Variants in RNF144A observed in about 807,000 individuals in gnomAD.
The protein encoded by RNF144A is E3 ubiquitin-protein ligase RNF144A.
A neutral mutation model predicts 38.7 loss-of-function variants in RNF144A; 11 were observed. That is an observed-to-expected ratio of 0.28 (90% CI 0.18 to 0.47). The LOEUF (loss-of-function observed/expected upper bound fraction) is 0.47. Ranked by LOEUF, RNF144A falls within the 20% of genes least tolerant of loss-of-function variation. The probability of loss-of-function intolerance (pLI) is 0.99; values close to 1 mark genes in which losing one functional copy is unlikely to be tolerated. For missense variants in RNF144A, 316 were observed against 377.2 expected (o/e 0.84, Z 1.34); for synonymous variants, 149 against 143.9 (o/e 1.04, Z -0.25).
intron 1 of RNF144A, among the ~76,000 whole-genome samples, chr2:6,936,471 T>C (rs1665590890): frequency 6.6e-6 from 1 of 152,118 alleles, no homozygotes; most frequent in South Asian, 2.1e-4. Context: ...CACTGACTCT[T>C]TTTTCTCATA....
At chr2:6,932,407 A>T (rs1391114980) in intron 1 of RNF144A, among the ~76,000 whole-genome samples, 1 of 152,216 alleles carries the variant, frequency 6.6e-6, no homozygotes, top group East Asian at 1.9e-4. Flanking sequence ...TAGACCATTC[A>T]CAATTACACA....
intron 3 of RNF144A, among the ~76,000 whole-genome samples, chr2:7,010,169 C>T (rs113281891): frequency 4.9e-4 from 74 of 152,282 alleles, no homozygotes; most frequent in East Asian, 1.9e-3. Context: ...CCGCTGTCTC[C>T]GGGGTACTGG....
chr2:6,952,782 T>G (rs796309146), intron 2 of RNF144A, among the ~76,000 whole-genome samples: 10 of 152,142 alleles, frequency 6.6e-5, no homozygotes, highest in African/African-American at 1.9e-4. Flanking sequence ...TGTATTCTTT[T>G]AGGCATGTGT....
downstream of RNF144A, chr2:7,044,288 T>A (rs13034571): frequency 0.099 from 75,654 of 760,712 alleles, 5,495 homozygotes; most frequent in East Asian, 0.55. Flanking sequence ...TTGAAAATAT[T>A]CAATGTGGGA....
At chr2:6,960,290 C>A (rs1222078619) in intron 2 of RNF144A, among the ~76,000 whole-genome samples, 1 of 152,182 alleles carries the variant, frequency 6.6e-6, no homozygotes, top group Non-Finnish European at 1.5e-5. Flanking sequence ...GAGTGAAAAC[C>A]TTTGAGGTTC....
rs756316410 is a variant in RNF144A, at chr2:7,039,739, C to T, written c.858C>T (p.Asp286=). ...LCCKCKCSKG[D]DDPLPT Reference sequence around the variant, plus strand: ...GCAAGTGCAAGTGCAGTAAAGGTGACGACGACCCGTTACCCACCTAGAGGA... The same window carrying T: ...GCAAGTGCAAGTGCAGTAAAGGTGATGACGACCCGTTACCCACCTAGAGGA... The change falls in exon 9 of 9, where the codon GAC becomes GAT. Residue 286 remains aspartate (D), a synonymous_variant. Coordinates refer to ENST00000320892, the MANE Select transcript of RNF144A (RefSeq NM_014746.6). 1.4e-5 allele frequency: 23 copies of T among 1,613,448 alleles called. No homozygotes were observed. Among genetic ancestry groups the T allele is most frequent in the Admixed American group, 6.7e-5 (4 of 59,960 alleles).
chr2:6,999,842 C>T (rs1389459267), intron 3 of RNF144A, among the ~76,000 whole-genome samples: 1 of 152,186 alleles, frequency 6.6e-6, no homozygotes, highest in African/African-American at 2.4e-5. Flanking sequence ...GAACACTTAT[C>T]TCAAGAGATG....
At chr2:6,990,402 A>G (rs867417982) in intron 2 of RNF144A, among the ~76,000 whole-genome samples, 26,886 of 129,096 alleles carry the variant, frequency 0.21, 2,976 homozygotes, top group Non-Finnish European at 0.25. Flanking sequence ...ACACACACAC[A>G]CACACACACA....
chr2:6,984,336 T>C (rs2103367808), intron 2 of RNF144A, among the ~76,000 whole-genome samples: 1 of 151,860 alleles, frequency 6.6e-6, no homozygotes, highest in East Asian at 1.9e-4. Flanking sequence ...GGAGTCTTGC[T>C]CTGCCATTCA....
At position 7,042,600 on chromosome 2, in the gene RNF144A, T is replaced by C. The variant is rs1184564733; in HGVS notation, c.*2840T>C. ...TGAGGCCCTTGAGTAACTGACCACA[T>C]TTGGAGGTTTTGCTGGAAATGCCTG... is the stretch of plus-strand genomic sequence containing the variant. On this transcript the variant is annotated 3_prime_UTR_variant, in exon 9 of 9. Transcript: ENST00000320892. 2.0e-6 allele frequency: 2 copies of C among 985,320 alleles called. No homozygotes were observed. Among genetic ancestry groups the C allele is most frequent in the African/African-American group, 3.5e-5 (2 of 57,232 alleles). The allele number at this position is 985,320 out of a possible 1,614,324, so 61.0% of individuals were successfully genotyped here. A position where few individuals can be genotyped will look rare whatever the true frequency, so the allele number is the denominator to read the frequency against.
At chr2:7,070,074 G>C (rs763231344), downstream of RNF144A, among the ~76,000 whole-genome samples, 2 of 152,200 alleles carry the variant, frequency 1.3e-5, no homozygotes, top group Non-Finnish European at 2.9e-5. Context: ...TAACCAGACT[G>C]AACTTTGAGA....
intron 5 of RNF144A, among the ~76,000 whole-genome samples, chr2:7,018,197 G>C (rs1671268407): frequency 6.6e-6 from 1 of 152,208 alleles, no homozygotes; most frequent in African/African-American, 2.4e-5. Context: ...TGAGACGGAA[G>C]GGTCCCTAGC....
At chr2:7,052,838 AACACACACAC>A (rs10670138) in intron 6 of RNF144A, among the ~76,000 whole-genome samples, 5 of 149,988 alleles carry the variant, frequency 3.3e-5, no homozygotes, top group Non-Finnish European at 7.4e-5. Flanking sequence ...CCCCCTTTCC[AACACACACAC>A]ACACACACAC....
downstream of RNF144A, among the ~76,000 whole-genome samples, chr2:7,073,164 A>T (rs142438687): frequency 1.3e-3 from 200 of 152,150 alleles, no homozygotes; most frequent in African/African-American, 4.6e-3. Flanking sequence ...TTTCCTAGGG[A>T]TCCACCCTGT....
intron 1 of RNF144A, among the ~76,000 whole-genome samples, chr2:6,918,111 C>T (rs1313154588): frequency 6.6e-6 from 1 of 152,110 alleles, no homozygotes; most frequent in African/African-American, 2.4e-5. Flanking sequence ...GAAAGGACGA[C>T]GCGTCCGGGG....
intron 7 of RNF144A, among the ~76,000 whole-genome samples, chr2:7,026,982 A>C (rs772254371): frequency 6.6e-6 from 1 of 152,226 alleles, no homozygotes; most frequent in Non-Finnish European, 1.5e-5. Flanking sequence ...GAGGGAGTCT[A>C]CTGTTGGAGC....
chr2:7,065,925 A>T (rs1435710356), intron 6 of RNF144A, among the ~76,000 whole-genome samples: 1 of 152,226 alleles, frequency 6.6e-6, no homozygotes, highest in Non-Finnish European at 1.5e-5. Flanking sequence ...AAAGAAACCG[A>T]TGGCTTCATG....
intron 2 of RNF144A, among the ~76,000 whole-genome samples, chr2:6,960,242 A>G (rs541050420): frequency 6.6e-6 from 1 of 152,350 alleles, no homozygotes; most frequent in South Asian, 2.1e-4. Flanking sequence ...GATGTATATC[A>G]TAGGCCCTTG....
At chr2:6,987,365 G>GGT (rs141792418) in intron 2 of RNF144A, among the ~76,000 whole-genome samples, 18 of 151,542 alleles carry the variant, frequency 1.2e-4, no homozygotes, top group East Asian at 5.8e-4. Context: ...GGGTTTCTGG[G>GGT]GTGTGTGTGT....
Sources: gnomAD v4.1 joint callset for allele counts (sites outside exome capture counted in the v4.1 genomes callset) on GRCh38, gnomAD v4.1.1 for gene constraint, MANE v1.5 for transcripts, NCBI Gene and HGNC (gene_info 2026-07-23, HGNC 2026-07-21) for gene names.